FRMD4B: variants seen among roughly 807,000 people sequenced by gnomAD.
The protein encoded by FRMD4B is FERM domain-containing protein 4B.
In FRMD4B, 74 loss-of-function variants were observed where a neutral mutation model predicts 141.5. That is an observed-to-expected ratio of 0.52 (90% CI 0.43 to 0.63). FRMD4B has a LOEUF of 0.63. Among genes scored for constraint, FRMD4B ranks in the 30% least tolerant of loss-of-function variants. The probability of loss-of-function intolerance (pLI) is 0.00; values close to 1 mark genes in which losing one functional copy is unlikely to be tolerated. For missense variants in FRMD4B, 1,366 were observed against 1,253.4 expected, an observed-to-expected ratio of 1.09 and a Z score of -1.36; for synonymous variants, 506 against 467.9, an observed-to-expected ratio of 1.08 and a Z score of -1.05.
chr3:69,276,104 T>C (rs1188492816), intron 5 of FRMD4B, among the ~76,000 whole-genome samples: 1 of 152,228 alleles, frequency 6.6e-6, no homozygotes, highest in Non-Finnish European at 1.5e-5. Flanking sequence ...TATGAATGAT[T>C]TGTAATTTAT....
intron 1 of FRMD4B, among the ~76,000 whole-genome samples, chr3:69,347,492 T>G (rs1702986419): frequency 6.6e-6 from 1 of 152,196 alleles, no homozygotes; most frequent in African/African-American, 2.4e-5. Flanking sequence ...CTAATAGACA[T>G]CTACAGAACT....
At chr3:69,330,340 C>CTTTTTTTTTTTTTTTTTT (rs34238889) in intron 1 of FRMD4B, among the ~76,000 whole-genome samples, 1 of 42,928 alleles carries the variant, frequency 2.3e-5, no homozygotes, top group Non-Finnish European at 3.8e-5. Flanking sequence ...ATTCTTTTGC[C>CTTTTTTTTTTTTTTTTTT]TTTTTTTTTT....
At chr3:69,538,625 T>C (rs1052107421) in intron 1 of FRMD4B, among the ~76,000 whole-genome samples, 6 of 152,152 alleles carry the variant, frequency 3.9e-5, no homozygotes, top group Non-Finnish European at 8.8e-5. Flanking sequence ...CACTGTCTTA[T>C]GAGATTAGTT....
chr3:69,458,531 C>T (rs1705654002), intron 1 of FRMD4B, among the ~76,000 whole-genome samples: 1 of 152,120 alleles, frequency 6.6e-6, no homozygotes, highest in Non-Finnish European at 1.5e-5. Flanking sequence ...AAAGACTGAA[C>T]ATGGAAGGTG....
chr3:69,221,974 C>T (rs2107747905), intron 8 of FRMD4B, 51 bp from the exon 9 acceptor site: 2 of 949,094 alleles, frequency 2.1e-6, no homozygotes, highest in Non-Finnish European at 3.4e-6. Context: ...ATCTGAGGTA[C>T]AGGCACAGTT....
intron 5 of FRMD4B, among the ~76,000 whole-genome samples, chr3:69,286,867 C>T (rs1441033153): frequency 1.3e-5 from 2 of 152,206 alleles, no homozygotes; most frequent in Non-Finnish European, 2.9e-5. Flanking sequence ...TGCAGTGGCA[C>T]AATCTAGGCT....
At chr3:69,210,521 T>A (rs1401644962) in intron 11 of FRMD4B, among the ~76,000 whole-genome samples, 1 of 151,984 alleles carries the variant, frequency 6.6e-6, no homozygotes, top group Non-Finnish European at 1.5e-5. Context: ...TCTCTAAGAG[T>A]TTGCAATGAC....
intron 4 of FRMD4B, among the ~76,000 whole-genome samples, chr3:69,302,001 G>A (rs972553092): frequency 1.3e-5 from 2 of 152,184 alleles, no homozygotes; most frequent in African/African-American, 4.8e-5. Context: ...CAAAGAATGA[G>A]AATCTTAAGA....
intron 1 of FRMD4B, among the ~76,000 whole-genome samples, chr3:69,447,870 T>C (rs1705433948): frequency 6.6e-6 from 1 of 152,206 alleles, no homozygotes; most frequent in Admixed American, 6.5e-5. Context: ...ATAGCACATA[T>C]TAGTAGTTTG....
At chr3:69,174,150 A>T in intron 22 of FRMD4B, among the ~76,000 whole-genome samples, 1 of 152,120 alleles carries the variant, frequency 6.6e-6, no homozygotes, top group Non-Finnish European at 1.5e-5. Flanking sequence ...AAGAAAAAAA[A>T]AAAAATAGCT....
chr3:69,425,719 C>T (rs1174495974), intron 2 of FRMD4B, among the ~76,000 whole-genome samples: 1 of 152,100 alleles, frequency 6.6e-6, no homozygotes, highest in Non-Finnish European at 1.5e-5. Context: ...AGTAGATGCA[C>T]AATAATGTTT....
upstream of FRMD4B, among the ~76,000 whole-genome samples, chr3:69,389,155 T>C: frequency 6.6e-6 from 1 of 151,274 alleles, no homozygotes; most frequent in East Asian, 2.0e-4. Context: ...TGCTTCAGCC[T>C]CCCGAGTAGC....
At chr3:69,344,724 C>T (rs72936930) in intron 1 of FRMD4B, among the ~76,000 whole-genome samples, 1,929 of 152,220 alleles carry the variant, frequency 0.013, 40 homozygotes, top group African/African-American at 0.045. Context: ...TCCCTCCTGA[C>T]TGGAAAACCT....
At position 69,196,302 on chromosome 3, in the gene FRMD4B, G is replaced by A. The variant is rs373596239; in HGVS notation, c.1187C>T (p.Thr396Met). The change falls in exon 14 of 23, where the codon ACG becomes ATG. Residue 396 changes from threonine (T) to methionine (M), a missense_variant. Transcript: ENST00000398540. ...QRASKLVTLE[T>M]KSQFIMASNG... is the part of the protein sequence containing the mutation. ...ACTTGCCATGATGAACTGACTTTTC[G>A]TCTCCAGTGTCACCAGCTTGGAGGC... The A allele has an allele frequency of 5.2e-5, 84 of 1,605,730 alleles. No individual in the cohort carries two copies. In the Middle Eastern group the frequency reaches 6.6e-4, roughly 13 times the overall value.
intron 9 of FRMD4B, among the ~76,000 whole-genome samples, chr3:69,219,583 T>A (rs980224877): frequency 6.6e-6 from 1 of 151,950 alleles, no homozygotes; most frequent in Non-Finnish European, 1.5e-5. Flanking sequence ...GGAGAAAGAA[T>A]AAGACTCTGC....
At chr3:69,541,364 C>G (rs1212062895) in intron 1 of FRMD4B, 3 of 152,224 alleles carry the variant, frequency 2.0e-5, no homozygotes, top group African/African-American at 7.2e-5. Context: ...ATTACCCCAC[C>G]CAGGAGCGCC....
chr3:69,476,720 G>T (rs1447897054), intron 1 of FRMD4B, among the ~76,000 whole-genome samples: 2 of 152,060 alleles, frequency 1.3e-5, no homozygotes, highest in Non-Finnish European at 2.9e-5. Context: ...CTTTAAAGTA[G>T]TTTTTTCCAA....
At chr3:69,427,476 C>T (rs1204695083) in intron 2 of FRMD4B, among the ~76,000 whole-genome samples, 8 of 150,434 alleles carry the variant, frequency 5.3e-5, no homozygotes. Flanking sequence ...TTTTGGGAGA[C>T]ATGAACCTTA....
chr3:69,366,271 AC>A (rs1250164520), intron 1 of FRMD4B, among the ~76,000 whole-genome samples: 20,537 of 146,704 alleles, frequency 0.14, 1,626 homozygotes, highest in African/African-American at 0.18. Context: ...AAAAACAAAA[AC>A]AAAAACAAAA....
Sources: allele counts gnomAD v4.1 joint callset (sites outside exome capture counted in the v4.1 genomes callset), GRCh38; gene constraint gnomAD v4.1.1; transcripts MANE v1.5; gene names NCBI Gene and HGNC (gene_info 2026-07-23, HGNC 2026-07-21).